The following LYPLAL1 variants were observed in gnomAD, a reference collection of about 807,000 sequenced individuals.
LYPLAL1 encodes lysophospholipase-like protein 1.
In LYPLAL1, 23 loss-of-function variants were observed where a neutral mutation model predicts 19.7. The observed-to-expected ratio is 1.17, with a 90% CI of 0.84 to 1.65. LYPLAL1 has a LOEUF of 1.65. Among genes scored for constraint, LYPLAL1 ranks in the 40% most tolerant of loss-of-function variants. LYPLAL1 has a pLI of 0.00. For synonymous variants in LYPLAL1, 119 were observed against 96.3 expected, an observed-to-expected ratio of 1.24 and a Z score of -1.38; for missense variants, 355 against 279.4, an observed-to-expected ratio of 1.27 and a Z score of -1.93.
chr1:219,204,471 G>A (rs1658380069), intron 3 of LYPLAL1, among the ~76,000 whole-genome samples: 1 of 152,168 alleles, frequency 6.6e-6, no homozygotes, highest in African/African-American at 2.4e-5. Flanking sequence ...TTCTGTCTAA[G>A]ACAGGAAACT....
At chr1:219,192,738 C>A (rs374821175) in intron 2 of LYPLAL1, among the ~76,000 whole-genome samples, 1 of 151,382 alleles carries the variant, frequency 6.6e-6, no homozygotes, top group Non-Finnish European at 1.5e-5. Context: ...TGCCTGTGCA[C>A]GTATGTGTGT....
chr1:219,208,652 TATG>T (rs981285797), intron 3 of LYPLAL1, among the ~76,000 whole-genome samples: 7 of 151,916 alleles, frequency 4.6e-5, no homozygotes, highest in Non-Finnish European at 8.8e-5. Flanking sequence ...TCAATGAAAA[TATG>T]ATTATTGAAG....
chr1:219,444,155 C>T, the LYPLAL1 span, among the ~76,000 whole-genome samples: 1,020 of 152,154 alleles, frequency 6.7e-3, 11 homozygotes, highest in Middle Eastern at 0.02. Flanking sequence ...GCTTAAGAAA[C>T]AGTAGAACCC....
the LYPLAL1 span, among the ~76,000 whole-genome samples, chr1:219,421,386 A>T: frequency 6.6e-6 from 1 of 152,136 alleles, no homozygotes; most frequent in African/African-American, 2.4e-5. Context: ...CTATCTGAGA[A>T]CCCTGGAGGG....
the LYPLAL1 span, among the ~76,000 whole-genome samples, chr1:219,328,864 T>C: frequency 6.6e-6 from 1 of 152,176 alleles, no homozygotes; most frequent in African/African-American, 2.4e-5. Flanking sequence ...TGACTAAAAT[T>C]GCAAAACTAG....
At chr1:219,340,907 T>C in the LYPLAL1 span, among the ~76,000 whole-genome samples, 1 of 152,038 alleles carries the variant, frequency 6.6e-6, no homozygotes, top group Non-Finnish European at 1.5e-5. Flanking sequence ...GGGCAATGAG[T>C]AATACCTCTG....
the LYPLAL1 span, among the ~76,000 whole-genome samples, chr1:219,244,294 G>A: frequency 6.6e-6 from 1 of 152,174 alleles, no homozygotes; most frequent in African/African-American, 2.4e-5. Flanking sequence ...AATACTGAAG[G>A]AAAGCCAGGT....
the LYPLAL1 span, among the ~76,000 whole-genome samples, chr1:219,338,725 T>G: frequency 6.6e-6 from 1 of 151,954 alleles, no homozygotes; most frequent in Non-Finnish European, 1.5e-5. Context: ...AAAATGCACA[T>G]CTGAGCTCTC....
the LYPLAL1 span, among the ~76,000 whole-genome samples, chr1:219,289,787 C>T: frequency 5.3e-5 from 8 of 152,178 alleles, no homozygotes; most frequent in African/African-American, 1.9e-4. Context: ...AACCACAGTT[C>T]AGAAAAGTTA....
chr1:219,431,617 T>C, the LYPLAL1 span, among the ~76,000 whole-genome samples: 1 of 152,222 alleles, frequency 6.6e-6, no homozygotes, highest in Non-Finnish European at 1.5e-5. Flanking sequence ...GCCCTTACCT[T>C]TATTGACAAT....
chr1:219,355,770 T>C, the LYPLAL1 span, among the ~76,000 whole-genome samples: 89 of 152,264 alleles, frequency 5.8e-4, no homozygotes, highest in African/African-American at 2.1e-3. Flanking sequence ...AGAGTATGTT[T>C]TCTGACCACA....
chr1:219,438,086 T>G, the LYPLAL1 span, among the ~76,000 whole-genome samples: 1 of 152,088 alleles, frequency 6.6e-6, no homozygotes, highest in Non-Finnish European at 1.5e-5. Flanking sequence ...TTTTTTAATT[T>G]CAGTGAGGAA....
At chr1:219,341,390 C>T in the LYPLAL1 span, among the ~76,000 whole-genome samples, 1 of 152,130 alleles carries the variant, frequency 6.6e-6, no homozygotes, top group African/African-American at 2.4e-5. Flanking sequence ...AACTTTTACA[C>T]ATTTCCTTTC....
At chr1:219,378,819 T>C in the LYPLAL1 span, among the ~76,000 whole-genome samples, 4 of 152,110 alleles carry the variant, frequency 2.6e-5, no homozygotes, top group African/African-American at 4.8e-5. Context: ...AGAGTAAAGA[T>C]AGACAATAGA....
the LYPLAL1 span, among the ~76,000 whole-genome samples, chr1:219,236,332 CATA>C: frequency 6.6e-6 from 1 of 152,192 alleles, no homozygotes. Flanking sequence ...AGTGTCATGA[CATA>C]AGCAGTGTTA....
At chr1:219,217,997 GTTC>G in the LYPLAL1 span, among the ~76,000 whole-genome samples, 4 of 151,872 alleles carry the variant, frequency 2.6e-5, no homozygotes, top group Admixed American at 2.0e-4. Flanking sequence ...TTATTATATA[GTTC>G]TTCTGCTTGA....
chr1:219,416,510 G>A, the LYPLAL1 span, among the ~76,000 whole-genome samples: 1 of 151,920 alleles, frequency 6.6e-6, no homozygotes, highest in African/African-American at 2.4e-5. Flanking sequence ...TCCTTGTAGA[G>A]TAGGGCCAAC....
intron 2 of LYPLAL1, among the ~76,000 whole-genome samples, chr1:219,183,400 C>T (rs1656454277): frequency 6.6e-6 from 1 of 151,944 alleles, no homozygotes; most frequent in Non-Finnish European, 1.5e-5. Flanking sequence ...TTCTTAATGA[C>T]ATCTTGTGGA....
chr1:219,388,758 GT>G, the LYPLAL1 span, among the ~76,000 whole-genome samples: 2 of 152,170 alleles, frequency 1.3e-5, no homozygotes, highest in African/African-American at 4.8e-5. Context: ...CCCTGCAGGT[GT>G]TGATGAACAT....
Sources: allele counts gnomAD v4.1 joint callset (sites outside exome capture counted in the v4.1 genomes callset), GRCh38; gene constraint gnomAD v4.1.1; transcripts MANE v1.5; gene names NCBI Gene and HGNC (gene_info 2026-07-23, HGNC 2026-07-21).